The following FAM76B variants were observed in gnomAD, a reference collection of about 807,000 sequenced individuals.
The protein encoded by FAM76B is protein FAM76B.
Under a neutral mutation model 51.8 loss-of-function variants are expected in FAM76B, and 16 were observed. The ratio of observed to expected loss-of-function variants is 0.31; its 90% CI spans 0.21 to 0.47. FAM76B has a LOEUF of 0.47. FAM76B is among the 20% of genes least tolerant of loss of function. The probability of loss-of-function intolerance (pLI) is 1.00; values close to 1 mark genes in which losing one functional copy is unlikely to be tolerated. For missense variants in FAM76B, 342 were observed against 392.6 expected, an observed-to-expected ratio of 0.87 and a Z score of 1.09; for synonymous variants, 166 against 129.5, an observed-to-expected ratio of 1.28 and a Z score of -1.91.
intron 2 of FAM76B, among the ~76,000 whole-genome samples, chr11:95,788,093 G>A (rs1252066692): frequency 6.6e-6 from 1 of 152,138 alleles, no homozygotes; most frequent in Non-Finnish European, 1.5e-5. Context: ...GAGTGGAACT[G>A]TTAAAAATGT....
intron 6 of FAM76B, 58 bp downstream of exon 6, chr11:95,779,821 T>C: frequency 6.4e-7 from 1 of 1,566,004 alleles, no homozygotes; most frequent in Non-Finnish European, 8.7e-7. Flanking sequence ...GTTGAAGGGA[T>C]ATCACATTTA....
chr11:95,783,230 A>G lies in FAM76B; in HGVS notation c.398T>C (p.Leu133Ser). Residue 133 changes from leucine (L) to serine (S), a missense_variant, in exon 5 of 10, where the codon TTA becomes TCA. Physicochemically the swap from Leu to Ser is moderately radical, Grantham distance 145 (BLOSUM62 -2). Around this residue, in one of 3 missense-constraint regions of FAM76B, gnomAD observed 230 missense variants for 257.4 expected, o/e 0.89. Transcript: ENST00000358780. ...DGKLLCWLCT[L>S]SYKRVLQKTK... ...CTTCTGTAAAACTCTTTTGTACGAT[A>G]AAGTACAGAGCCAGCATAATAACTT... 8 of 1,613,510 alleles carry G rather than the reference A, an allele frequency of 5.0e-6. No homozygotes were observed. Among genetic ancestry groups the G allele is most frequent in the Non-Finnish European group, 5.9e-6 (7 of 1,179,946 alleles).
chr11:95,783,234 T>C lies in FAM76B; in HGVS notation c.394A>G (p.Thr132Ala). 4.3e-6 allele frequency: 7 copies of C among 1,613,338 alleles called. No individual in the cohort carries two copies. Among genetic ancestry groups the C allele is most frequent in the Non-Finnish European group, 5.9e-6 (7 of 1,179,894 alleles). ...TGTAAAACTCTTTTGTACGATAAAG[T>C]ACAGAGCCAGCATAATAACTTTCCA... ...VDGKLLCWLCTLSYKRVLQKT... is the reference protein window; with the variant it reads ...VDGKLLCWLCALSYKRVLQKT... Residue 132 changes from threonine (T) to alanine (A), a missense_variant, in exon 5 of 10, where the codon ACT (threonine) becomes GCT (alanine). Thr to Ala is a moderately conservative substitution (Grantham distance 58, BLOSUM62 0). Coordinates refer to ENST00000358780, the MANE Select transcript of FAM76B (RefSeq NM_144664.5).
chr11:95,785,303 T>C (rs1341439632), intron 4 of FAM76B, among the ~76,000 whole-genome samples: 1 of 152,186 alleles, frequency 6.6e-6, no homozygotes, highest in Non-Finnish European at 1.5e-5. Flanking sequence ...AGAAGGTATC[T>C]CCCATGGATA....
chr11:95,787,395 G>A (rs925558157), intron 3 of FAM76B, among the ~76,000 whole-genome samples: 11 of 151,952 alleles, frequency 7.2e-5, no homozygotes, highest in Admixed American at 3.9e-4. Flanking sequence ...CACCATACCC[G>A]GCTCATTTTT....
rs939150351 is a variant in FAM76B, at chr11:95,789,579, C to T, written c.-101G>A. The T allele has an allele frequency of 9.7e-6, 10 of 1,030,968 alleles. No homozygotes were observed. Among genetic ancestry groups the T allele is most frequent in the Admixed American group, 2.7e-5 (1 of 37,718 alleles). The allele number at this position is 1,030,968 out of a possible 1,614,324, so 63.9% of individuals were successfully genotyped here. A position where few individuals can be genotyped will look rare whatever the true frequency, so the allele number is the denominator to read the frequency against. ...GCCCGGGCCGCGGGCTCCTCCTCCT[C>T]CCCCTCCCCCTGCCTCGCGCCCACC... On this transcript the variant is annotated 5_prime_UTR_variant, in exon 1 of 10. Transcript: ENST00000358780.
Position 95,789,429 on chromosome 11 carries a change from G to T in FAM76B, c.50C>A (p.Pro17His), listed in dbSNP as rs750474535. The change falls in exon 1 of 10, where the codon CCT becomes CAT. Residue 17 changes from proline (P) to histidine (H), a missense_variant. Physicochemically the swap from Pro to His is moderately conservative, Grantham distance 77. Around this residue, in one of 3 missense-constraint regions of FAM76B, gnomAD observed 96 missense variants for 94.7 expected, o/e 1.01. Coordinates refer to ENST00000358780, the MANE Select transcript of FAM76B (RefSeq NM_144664.5). The part of the protein sequence containing the change: ...YACTKCTQRY[P>H]FEELSQGQQL... ...CTGGCCCTGGGAGAGCTCCTCGAAA[G>T]GATAACGCTGGGTACACTTGGTGCA... 3 of 1,609,454 alleles carry T rather than the reference G, an allele frequency of 1.9e-6. No individual in the cohort carries two copies. The highest frequency in any genetic ancestry group is 2.5e-6 in the Non-Finnish European group (3 of 1,178,164).
intron 2 of FAM76B, 113 bp downstream of exon 2, chr11:95,788,386 G>C: frequency 1.2e-6 from 1 of 866,690 alleles, no homozygotes; most frequent in Admixed American, 2.6e-5. Context: ...AAAATTTCTG[G>C]GGCTAAACCA....
chr11:95,771,648 G>T lies in FAM76B; in HGVS notation c.933C>A (p.Ala311=). 4 of 1,603,110 alleles carry T rather than the reference G, an allele frequency of 2.5e-6. No individual in the cohort carries two copies. The highest frequency in any genetic ancestry group is 1.7e-5 in the Admixed American group (1 of 59,222). ...CCTGTTTGAGTAGTTCTCTGTTTTT[G>T]GCCTGTGGGAGACAAAAACATTCAA... is the stretch of plus-strand genomic sequence containing the variant. ...AHKETVEQLQ[A]KNRELLKQVA... The change falls in exon 10 of 10, where the codon GCC becomes GCA. Residue 311 remains alanine (A), a splice_region_variant and synonymous_variant. Transcript: ENST00000358780.
At chr11:95,775,366 C>G (rs1448785878) in intron 9 of FAM76B, among the ~76,000 whole-genome samples, 2 of 151,390 alleles carry the variant, frequency 1.3e-5, no homozygotes, top group Admixed American at 6.6e-5. Flanking sequence ...TAAACTGCTA[C>G]TTTGCAGTAC....
At chr11:95,773,594 A>G (rs905520435) in intron 9 of FAM76B, among the ~76,000 whole-genome samples, 3 of 151,252 alleles carry the variant, frequency 2.0e-5, no homozygotes, top group Non-Finnish European at 4.4e-5. Flanking sequence ...ATCCTGGCTT[A>G]CTTACCAGCT....
At chr11:95,784,648 C>T (rs1003749454) in intron 4 of FAM76B, among the ~76,000 whole-genome samples, 3 of 149,804 alleles carry the variant, frequency 2.0e-5, no homozygotes, top group Admixed American at 1.3e-4. Context: ...AGTGCAGTGG[C>T]GCAATCTTGG....
chr11:95,775,859 T>A, intron 9 of FAM76B, 63 bp downstream of exon 9: 1 of 1,063,496 alleles, frequency 9.4e-7, no homozygotes, highest in Non-Finnish European at 1.3e-6. Context: ...TCTAAGTCAA[T>A]GAATGCTATT....
chr11:95,786,115 A>G lies in FAM76B; in HGVS notation c.363+4T>C. On this transcript the variant is annotated splice_donor_region_variant and intron_variant, in intron 4 of 9. Coordinates refer to ENST00000358780, the MANE Select transcript of FAM76B (RefSeq NM_144664.5). Reference sequence around the variant, plus strand: ...GAAGATGTCATAACATAAATAAAGCATACCTTTCTTCTTCCTTCCTCCTTC... The same window carrying G: ...GAAGATGTCATAACATAAATAAAGCGTACCTTTCTTCTTCCTTCCTCCTTC... 2 of 1,603,666 alleles carry G rather than the reference A, an allele frequency of 1.2e-6. No individual in the cohort carries two copies.
At chr11:95,789,025 T>A in intron 1 of FAM76B, 1 of 1,371,180 alleles carries the variant, frequency 7.3e-7, no homozygotes, top group Non-Finnish European at 9.6e-7. Flanking sequence ...GTCCCCTGCC[T>A]CCTGGTGGAA....
At position 95,789,499 on chromosome 11, in the gene FAM76B, T is replaced by A. The variant is rs372214035; in HGVS notation, c.-21A>T. The A allele has an allele frequency of 1.3e-6, 2 of 1,554,442 alleles. No individual in the cohort carries two copies. The highest frequency in any genetic ancestry group is 1.8e-6 in the Non-Finnish European group (2 of 1,140,372). On this transcript the variant is annotated 5_prime_UTR_variant, in exon 1 of 10. Coordinates refer to ENST00000358780, the MANE Select transcript of FAM76B (RefSeq NM_144664.5). Reference sequence around the variant, plus strand: ...GCCATCCTGCTCCTCAGTCTCCTCCTCCGCCGCCGCCCGCTCCGAGGCGGG... The same window carrying A: ...GCCATCCTGCTCCTCAGTCTCCTCCACCGCCGCCGCCCGCTCCGAGGCGGG...
chr11:95,783,178 T>A lies in FAM76B; in HGVS notation c.450A>T (p.Gly150=), dbSNP rs1860368455. The A allele has an allele frequency of 6.2e-7, 1 of 1,613,762 alleles. No individual in the cohort carries two copies. Among genetic ancestry groups the A allele is most frequent in the Non-Finnish European group, 8.5e-7 (1 of 1,179,836 alleles). Residue 150 remains glycine, a synonymous_variant, in exon 5 of 10, where the codon GGA becomes GGT. Transcript: ENST00000358780. ...QKTKEQRKSL[G]SSHSNSSSSS... ...AAGAAGATGAATTTGAATGTGAAGA[T>A]CCCAGGCTCTTCCTTTGTTCTTTCG...
chr11:95,789,104 AG>A, intron 1 of FAM76B: 1 of 1,398,360 alleles, frequency 7.2e-7, no homozygotes, highest in Non-Finnish European at 9.4e-7. Flanking sequence ...CGGCATAGAC[AG>A]GTGGCTGCCT....
chr11:95,786,351 A>G (rs1362015627), intron 3 of FAM76B, 77 bp from the exon 4 acceptor site: 3 of 1,459,480 alleles, frequency 2.1e-6, no homozygotes, highest in South Asian at 1.5e-5. Flanking sequence ...TGTTGTAGAC[A>G]TATTTCTGGA....
Sources: allele counts gnomAD v4.1 joint callset (sites outside exome capture counted in the v4.1 genomes callset), GRCh38; gene constraint gnomAD v4.1.1; regional missense constraint gnomAD v4.1.1; transcripts MANE v1.5; gene names NCBI Gene and HGNC (gene_info 2026-07-23, HGNC 2026-07-21).